The following H1-0 variants were observed in gnomAD, a reference collection of about 807,000 sequenced individuals.
The protein encoded by H1-0 is histone H1.0.
H1-0 carries 5 observed loss-of-function variants against 8.8 expected under a neutral mutation model. That is an observed-to-expected ratio of 0.57 (90% confidence interval 0.30 to 1.19). The LOEUF is 1.19. Ranked by LOEUF, H1-0 falls within the 50% of genes most tolerant of loss-of-function variation. The pLI is 0.08. For synonymous variants in H1-0, 143 were observed against 101.4 expected (o/e 1.41, Z -2.46); for missense variants, 231 against 242.0 (o/e 0.95, Z 0.30).
At position 37,806,398 on chromosome 22, in the gene H1-0, G is replaced by A. The variant is rs546462313; in HGVS notation, c.*269G>A. The A allele has an allele frequency of 0.022, 6,912 of 318,802 alleles. 85 individuals are homozygous for A. Among genetic ancestry groups the A allele is most frequent in the Non-Finnish European group, 0.03 (5,601 of 185,718 alleles). 19.7% of individuals were successfully genotyped at this position (318,802 alleles called of 1,614,324 possible). A position where few individuals can be genotyped will look rare whatever the true frequency, so the allele number is the denominator to read the frequency against. ...CTACTTACGGGGTTAGGGATTTGCG[G>A]GGGGGGCTTGTGTGTTTTGTTGGCT... On this transcript the variant is annotated 3_prime_UTR_variant, in exon 1 of 1. Coordinates refer to ENST00000340857, the MANE Select transcript of H1-0 (RefSeq NM_005318.4).
chr22:37,805,445 C>T lies in H1-0; in HGVS notation c.-100C>T. Reference sequence around the variant, plus strand: ...CCGCACTCCAGACTGGCCCGGTAGTCAGGGGCTCAGGAGCAGATCCCGAGG... The same window carrying T: ...CCGCACTCCAGACTGGCCCGGTAGTTAGGGGCTCAGGAGCAGATCCCGAGG... On this transcript the variant is annotated 5_prime_UTR_variant, in exon 1 of 1. Coordinates refer to ENST00000340857, the MANE Select transcript of H1-0 (RefSeq NM_005318.4). 1.2e-6 allele frequency: 1 copy of T among 838,524 alleles called. No individual in the cohort carries two copies. Among genetic ancestry groups the T allele is most frequent in the Non-Finnish European group, 1.9e-6 (1 of 534,374 alleles). The allele number at this position is 838,524 out of a possible 1,614,324, so 51.9% of individuals were successfully genotyped here. A position where few individuals can be genotyped will look rare whatever the true frequency, so the allele number is the denominator to read the frequency against.
Position 37,805,499 on chromosome 22 carries a change from T to C in H1-0, c.-46T>C. The C allele has an allele frequency of 1.4e-6, 2 of 1,431,402 alleles. No homozygotes were observed. The highest frequency in any genetic ancestry group is 1.9e-6 in the Non-Finnish European group (2 of 1,031,060). The allele number at this position is 1,431,402 out of a possible 1,614,324, so 88.7% of individuals were successfully genotyped here. On this transcript the variant is annotated 5_prime_UTR_variant, in exon 1 of 1. Transcript: ENST00000340857. ...GCTTTGCTCAGCCTCCGACGAGGGC[T>C]GGCCCTTTGGAAGGCGCCTTCAACA...
chr22:37,807,081 T>C lies in H1-0; in HGVS notation c.*952T>C. 1 of 166,944 alleles carries C rather than the reference T, an allele frequency of 6.0e-6. No homozygotes were observed. 10.3% of individuals were successfully genotyped at this position (166,944 alleles called of 1,614,324 possible). A position where few individuals can be genotyped will look rare whatever the true frequency, so the allele number is the denominator to read the frequency against. ...CCTCCCGATCTCTTTTTGAGTCCTT[T>C]ATTATAAGTAGTTGTAGCTGCGGGA... On this transcript the variant is annotated 3_prime_UTR_variant, in exon 1 of 1. Coordinates refer to ENST00000340857, the MANE Select transcript of H1-0 (RefSeq NM_005318.4).
Position 37,805,925 on chromosome 22 carries a change from G to A in H1-0, c.381G>A (p.Lys127=), listed in dbSNP as rs776138823. The A allele has an allele frequency of 6.2e-7, 1 of 1,613,958 alleles. No homozygotes were observed. The highest frequency in any genetic ancestry group is 2.2e-5 in the East Asian group (1 of 44,884). The change falls in exon 1 of 1, where the codon AAG becomes AAA. Residue 127 remains lysine, a synonymous_variant. Coordinates refer to ENST00000340857, the MANE Select transcript of H1-0 (RefSeq NM_005318.4). ...VATPKKASKP[K]KAASKAPTKK... is the part of the protein sequence containing the mutation. Reference sequence around the variant, plus strand: ...CGCCAAAGAAGGCATCCAAGCCCAAGAAGGCTGCCTCCAAAGCCCCAACCA... The same window carrying A: ...CGCCAAAGAAGGCATCCAAGCCCAAAAAGGCTGCCTCCAAAGCCCCAACCA...
chr22:37,805,994 G>A lies in H1-0; in HGVS notation c.450G>A (p.Leu150=). ...ATPVKKAKKK[L]AATPKKAKKP... is the part of the protein sequence containing the mutation. ...CGGTCAAGAAGGCCAAGAAGAAGCTGGCTGCCACGCCCAAGAAAGCCAAAA... is the reference window on the plus strand; with the variant it reads ...CGGTCAAGAAGGCCAAGAAGAAGCTAGCTGCCACGCCCAAGAAAGCCAAAA... Residue 150 remains leucine, a synonymous_variant, in exon 1 of 1, where the codon CTG becomes CTA. Transcript: ENST00000340857. 1 of 1,614,084 alleles carries A rather than the reference G, an allele frequency of 6.2e-7. No homozygotes were observed. The highest frequency in any genetic ancestry group is 8.5e-7 in the Non-Finnish European group (1 of 1,180,032).
rs368431497 is a variant in H1-0 at position 37,805,529 on chromosome 22, G to A, written c.-16G>A. On this transcript the variant is annotated 5_prime_UTR_variant, in exon 1 of 1. Coordinates refer to ENST00000340857, the MANE Select transcript of H1-0 (RefSeq NM_005318.4). ...CTTTGGAAGGCGCCTTCAACAGCCG[G>A]ACCAGACAGGCCACCATGACCGAGA... 1.3e-6 allele frequency: 2 copies of A among 1,598,478 alleles called. No homozygotes were observed. The highest frequency in any genetic ancestry group is 1.7e-6 in the Non-Finnish European group (2 of 1,170,388).
chr22:37,805,315 G>T lies in H1-0; in HGVS notation c.-230G>T. 1 of 531,982 alleles carries T rather than the reference G, an allele frequency of 1.9e-6. No individual in the cohort carries two copies. Among genetic ancestry groups the T allele is most frequent in the Non-Finnish European group, 3.3e-6 (1 of 299,270 alleles). The allele number at this position is 531,982 out of a possible 1,614,324, so 33.0% of individuals were successfully genotyped here. On this transcript the variant is annotated 5_prime_UTR_variant, in exon 1 of 1. Coordinates refer to ENST00000340857, the MANE Select transcript of H1-0 (RefSeq NM_005318.4). ...AGCCCGAGCCCGGTGCCGAGACCAA[G>T]CGACAGACCGGCGGGGCTGGGCCTC...
At position 37,806,443 on chromosome 22, in the gene H1-0, T is replaced by C; in HGVS notation, c.*314T>C. ...TTGGCTTGTTTGCCATGAAGGTAGA[T>C]GTGGGTGGGGAGAAGACACAAGGCA... On this transcript the variant is annotated 3_prime_UTR_variant, in exon 1 of 1. Transcript: ENST00000340857. 5.6e-6 allele frequency: 2 copies of C among 359,898 alleles called. No individual in the cohort carries two copies. The highest frequency in any genetic ancestry group is 1.1e-5 in the Non-Finnish European group (2 of 187,878). 22.3% of individuals were successfully genotyped at this position (359,898 alleles called of 1,614,324 possible). A position where few individuals can be genotyped will look rare whatever the true frequency, so the allele number is the denominator to read the frequency against.
At position 37,806,477 on chromosome 22, in the gene H1-0, T is replaced by C. The variant is rs1322681883; in HGVS notation, c.*348T>C. 1.1e-5 allele frequency: 3 copies of C among 276,318 alleles called. No homozygotes were observed. The highest frequency in any genetic ancestry group is 6.8e-5 in the African/African-American group (3 of 44,134). 17.1% of individuals were successfully genotyped at this position (276,318 alleles called of 1,614,324 possible). The stretch of plus-strand genomic sequence containing the variant: ...GGAGAAGACACAAGGCAGTTTGTTC[T>C]GGCTAGATGAGAGGGAACCCAGGAA... On this transcript the variant is annotated 3_prime_UTR_variant, in exon 1 of 1. Coordinates refer to ENST00000340857, the MANE Select transcript of H1-0 (RefSeq NM_005318.4).
Position 37,806,182 on chromosome 22 carries a change from T to TA in H1-0, c.*55dup. ...CCTCCTGTCTCCTATTTTCTGTAAA[T>TA]AATTTTCTCCTTTTTTCTCTCTTGA... On this transcript the variant is annotated 3_prime_UTR_variant, in exon 1 of 1. Coordinates refer to ENST00000340857, the MANE Select transcript of H1-0 (RefSeq NM_005318.4). 1 of 1,407,824 alleles carries TA rather than the reference T, an allele frequency of 7.1e-7. No individual in the cohort carries two copies. The highest frequency in any genetic ancestry group is 9.7e-7 in the Non-Finnish European group (1 of 1,035,052). 87.2% of individuals were successfully genotyped at this position (1,407,824 alleles called of 1,614,324 possible).
At position 37,805,871 on chromosome 22, in the gene H1-0, G is replaced by A. The variant is rs905995738; in HGVS notation, c.327G>A (p.Lys109=). 5 of 1,613,822 alleles carry A rather than the reference G, an allele frequency of 3.1e-6. No individual in the cohort carries two copies. The African/African-American group carries it at 6.7e-5, about 22-fold the overall frequency. Residue 109 remains lysine (K), a synonymous_variant, in exon 1 of 1, where the codon AAG becomes AAA. Coordinates refer to ENST00000340857, the MANE Select transcript of H1-0 (RefSeq NM_005318.4). ...DEPKKSVAFK[K]TKKEIKKVAT... is the part of the protein sequence containing the mutation. ...CCAAGAAGTCAGTGGCCTTCAAGAAGACCAAGAAGGAAATCAAGAAGGTAG... is the reference window on the plus strand; with the variant it reads ...CCAAGAAGTCAGTGGCCTTCAAGAAAACCAAGAAGGAAATCAAGAAGGTAG...
chr22:37,805,354 G>A lies in H1-0; in HGVS notation c.-191G>A, dbSNP rs999948546. The A allele has an allele frequency of 1.9e-6, 1 of 538,688 alleles. No homozygotes were observed. The highest frequency in any genetic ancestry group is 2.5e-5 in the South Asian group (1 of 40,248). 33.4% of individuals were successfully genotyped at this position (538,688 alleles called of 1,614,324 possible). A position where few individuals can be genotyped will look rare whatever the true frequency, so the allele number is the denominator to read the frequency against. Reference sequence around the variant, plus strand: ...GGGCTGGGCCTCGCAAAGCCGGCTCGGCGAGCTCTCCCGACACCCGAGCCG... The same window carrying A: ...GGGCTGGGCCTCGCAAAGCCGGCTCAGCGAGCTCTCCCGACACCCGAGCCG... On this transcript the variant is annotated 5_prime_UTR_variant, in exon 1 of 1. Transcript: ENST00000340857.
rs371303008 is a variant in H1-0 at position 37,805,531 on chromosome 22, C to G, written c.-14C>G. ...TTGGAAGGCGCCTTCAACAGCCGGA[C>G]CAGACAGGCCACCATGACCGAGAAT... On this transcript the variant is annotated 5_prime_UTR_variant, in exon 1 of 1. Transcript: ENST00000340857. 4 of 1,598,824 alleles carry G rather than the reference C, an allele frequency of 2.5e-6. No homozygotes were observed. Among genetic ancestry groups the G allele is most frequent in the Non-Finnish European group, 3.4e-6 (4 of 1,170,480 alleles).
rs1040321011 is a variant in H1-0, at chr22:37,806,653, G to C, written c.*524G>C. ...AAGGAGGGGGAAAAAAACCGCCACCGGGCTGACTTCCACCTCCCAGTGGTG... is the reference window on the plus strand; with the variant it reads ...AAGGAGGGGGAAAAAAACCGCCACCCGGCTGACTTCCACCTCCCAGTGGTG... On this transcript the variant is annotated 3_prime_UTR_variant, in exon 1 of 1. Coordinates refer to ENST00000340857, the MANE Select transcript of H1-0 (RefSeq NM_005318.4). The C allele has an allele frequency of 1.7e-5, 3 of 171,818 alleles. No homozygotes were observed. Among genetic ancestry groups the C allele is most frequent in the Admixed American group, 1.2e-4 (2 of 16,240 alleles). 10.6% of individuals were successfully genotyped at this position (171,818 alleles called of 1,614,324 possible). A position where few individuals can be genotyped will look rare whatever the true frequency, so the allele number is the denominator to read the frequency against.
chr22:37,805,379 G>A lies in H1-0; in HGVS notation c.-166G>A. 1 of 573,870 alleles carries A rather than the reference G, an allele frequency of 1.7e-6. No homozygotes were observed. Among genetic ancestry groups the A allele is most frequent in the South Asian group, 2.2e-5 (1 of 45,368 alleles). 35.5% of individuals were successfully genotyped at this position (573,870 alleles called of 1,614,324 possible). ...GGCGAGCTCTCCCGACACCCGAGCCGGGGAGGAAAAGCAGCGACTCCTCGC... is the reference window on the plus strand; with the variant it reads ...GGCGAGCTCTCCCGACACCCGAGCCAGGGAGGAAAAGCAGCGACTCCTCGC... On this transcript the variant is annotated 5_prime_UTR_variant, in exon 1 of 1. Transcript: ENST00000340857.
chr22:37,805,902 C>T lies in H1-0; in HGVS notation c.358C>T (p.Pro120Ser), dbSNP rs1920983040. 1 of 1,614,070 alleles carries T rather than the reference C, an allele frequency of 6.2e-7. No homozygotes were observed. The highest frequency in any genetic ancestry group is 1.3e-5 in the African/African-American group (1 of 75,028). ...TKKEIKKVAT[P>S]KKASKPKKAA... The stretch of plus-strand genomic sequence containing the variant: ...GAAGGAAATCAAGAAGGTAGCCACG[C>T]CAAAGAAGGCATCCAAGCCCAAGAA... The change falls in exon 1 of 1, where the codon CCA becomes TCA. Residue 120 changes from proline to serine, a missense_variant. Physicochemically the swap from Pro to Ser is moderately conservative, Grantham distance 74. Transcript: ENST00000340857.
At position 37,805,959 on chromosome 22, in the gene H1-0, A is replaced by AC. The variant is rs1239159041; in HGVS notation, c.415_416insC (p.Lys139ThrfsTer95). On this transcript the variant is annotated frameshift_variant, in exon 1 of 1. Transcript: ENST00000340857. LOFTEE classifies it high-confidence loss of function. ...CTCCAAAGCCCCAACCAAGAAACCC[A>AC]AAGCCACCCCGGTCAAGAAGGCCAA... is the stretch of plus-strand genomic sequence containing the variant. The AC allele has an allele frequency of 6.2e-7, 1 of 1,614,118 alleles. No individual in the cohort carries two copies. Among genetic ancestry groups the AC allele is most frequent in the East Asian group, 2.2e-5 (1 of 44,884 alleles).
chr22:37,805,709 G>A lies in H1-0; in HGVS notation c.165G>A (p.Lys55=), dbSNP rs1920980794. 1.2e-6 allele frequency: 2 copies of A among 1,614,014 alleles called. No homozygotes were observed. Among genetic ancestry groups the A allele is most frequent in the Non-Finnish European group, 1.7e-6 (2 of 1,180,038 alleles). The change falls in exon 1 of 1, where the codon AAG becomes AAA. Residue 55 remains lysine, a synonymous_variant. Coordinates refer to ENST00000340857, the MANE Select transcript of H1-0 (RefSeq NM_005318.4). ...SSRQSIQKYI[K]SHYKVGENAD... The stretch of plus-strand genomic sequence containing the variant: ...GCCAGTCCATTCAGAAGTATATCAA[G>A]AGCCACTACAAGGTGGGTGAGAACG...
At position 37,806,927 on chromosome 22, in the gene H1-0, T is replaced by G. The variant is rs1921019427; in HGVS notation, c.*798T>G. ...AGCCAAGTGCCTCAGTGTGCCCTGTTGAAACTTAGGTTTTTCCACGCAATC... is the reference window on the plus strand; with the variant it reads ...AGCCAAGTGCCTCAGTGTGCCCTGTGGAAACTTAGGTTTTTCCACGCAATC... On this transcript the variant is annotated 3_prime_UTR_variant, in exon 1 of 1. Coordinates refer to ENST00000340857, the MANE Select transcript of H1-0 (RefSeq NM_005318.4). 6.0e-6 allele frequency: 1 copy of G among 167,140 alleles called. No homozygotes were observed. Among genetic ancestry groups the G allele is most frequent in the Admixed American group, 6.5e-5 (1 of 15,280 alleles). 10.4% of individuals were successfully genotyped at this position (167,140 alleles called of 1,614,324 possible).
Sources: gnomAD v4.1 joint callset for allele counts on GRCh38, gnomAD v4.1.1 for gene constraint, MANE v1.5 for transcripts, NCBI Gene and HGNC (gene_info 2026-07-23, HGNC 2026-07-21) for gene names.